The following SMYD3 variants were observed in gnomAD, a reference collection of about 807,000 sequenced individuals.
SMYD3 encodes SET and MYND domain containing 3.
SMYD3 carries 36 observed loss-of-function variants against 57.7 expected under a neutral mutation model. The ratio of observed to expected loss-of-function variants is 0.62; its 90% confidence interval spans 0.48 to 0.82. The LOEUF (loss-of-function observed/expected upper bound fraction) is 0.82, where lower values mean the gene tolerates loss of function less well. SMYD3 is among the 40% of genes least tolerant of loss of function. The probability of loss-of-function intolerance (pLI) is 0.00; values close to 1 mark genes in which losing one functional copy is unlikely to be tolerated. For synonymous variants in SMYD3, 211 were observed against 195.0 expected (o/e 1.08, Z -0.68); for missense variants, 515 against 538.8 (o/e 0.96, Z 0.44).
At position 245,995,825 on chromosome 1, in the gene SMYD3, C is replaced by T. The variant is rs377289407; in HGVS notation, c.532-65888G>A. 3.9e-5 allele frequency among the ~76,000 whole-genome samples: 6 copies of T among 152,272 alleles called. No individual in the cohort carries two copies. The East Asian group carries it at 9.7e-4, about 25-fold the overall frequency. The stretch of plus-strand genomic sequence containing the variant: ...AGTCCTATGTGTGGCAAGGATGCAT[C>T]AGAGAGCCAATAGACATGCACAGGG... On this transcript the variant is annotated intron_variant, in intron 5 of 11. Transcript: ENST00000490107.
chr1:245,836,418 T>G (rs557983210), intron 10 of SMYD3, among the ~76,000 whole-genome samples: 2 of 152,182 alleles, frequency 1.3e-5, no homozygotes, highest in African/African-American at 4.8e-5. Flanking sequence ...GGGCTGGCCA[T>G]AGGGAGCCGT....
intron 1 of SMYD3, among the ~76,000 whole-genome samples, chr1:246,489,223 G>A (rs2068232835): frequency 6.6e-6 from 1 of 152,128 alleles, no homozygotes; most frequent in Admixed American, 6.5e-5. Flanking sequence ...GCGGGCGCCT[G>A]TAGTCCCAGC....
chr1:246,326,664 T>C, intron 5 of SMYD3: 1 of 331,496 alleles, frequency 3.0e-6, no homozygotes, highest in Non-Finnish European at 5.4e-6. Flanking sequence ...CTCAGAATGC[T>C]GAGGCATGAG....
intron 5 of SMYD3, among the ~76,000 whole-genome samples, chr1:246,223,260 A>G (rs2063282992): frequency 6.6e-6 from 1 of 152,156 alleles, no homozygotes; most frequent in Non-Finnish European, 1.5e-5. Flanking sequence ...GTGAGCCAAG[A>G]AGACAGCAGT....
chr1:246,456,299 C>T (rs2067699077), intron 1 of SMYD3, among the ~76,000 whole-genome samples: 1 of 152,176 alleles, frequency 6.6e-6, no homozygotes. Context: ...TAAGACATAC[C>T]AAACTGTGTC....
rs565462178 is a variant in SMYD3, at chr1:246,369,886, C to T, written c.165-14792G>A. Reference sequence around the variant, plus strand: ...ATTTCATCTTATTTCACATTTCTAACACAAAGTATAAAACAAAAAAAAAAA... The same window carrying T: ...ATTTCATCTTATTTCACATTTCTAATACAAAGTATAAAACAAAAAAAAAAA... On this transcript the variant is annotated intron_variant, in intron 1 of 11. Transcript: ENST00000490107. 4.3e-5 allele frequency among the ~76,000 whole-genome samples: 5 copies of T among 117,066 alleles called. No homozygotes were observed. The South Asian group carries it at 1.4e-3, about 32-fold the overall frequency. 76.8% of individuals were successfully genotyped at this position (117,066 alleles called of 152,430 possible). A position where few individuals can be genotyped will look rare whatever the true frequency, so the allele number is the denominator to read the frequency against.
chr1:245,805,195 C>T (rs1012504284), intron 10 of SMYD3, among the ~76,000 whole-genome samples: 2 of 150,190 alleles, frequency 1.3e-5, no homozygotes, highest in Non-Finnish European at 1.5e-5. Context: ...GTAGATTTAA[C>T]CAGTACGTTA....
chr1:245,796,469 C>T (rs1254966746), intron 10 of SMYD3, among the ~76,000 whole-genome samples: 3 of 152,088 alleles, frequency 2.0e-5, no homozygotes, highest in South Asian at 2.1e-4. Context: ...CAGTAAAGAA[C>T]TGTCTATGAT....
At chr1:246,332,763 A>G (rs542477518) in intron 3 of SMYD3, among the ~76,000 whole-genome samples, 256 of 152,330 alleles carry the variant, frequency 1.7e-3, no homozygotes, top group African/African-American at 6.0e-3. Context: ...AGCCAAGCTC[A>G]CGCCACTGCA....
At chr1:246,446,310 T>C (rs994328018) in intron 1 of SMYD3, among the ~76,000 whole-genome samples, 7 of 152,024 alleles carry the variant, frequency 4.6e-5, no homozygotes, top group Middle Eastern at 3.2e-3. Context: ...GATATATCCA[T>C]AAAAAAAGTA....
At chr1:246,312,607 G>A (rs147886243) in intron 5 of SMYD3, among the ~76,000 whole-genome samples, 222 of 152,218 alleles carry the variant, frequency 1.5e-3, no homozygotes, top group African/African-American at 5.2e-3. Flanking sequence ...GGAAGAAAAG[G>A]CAGAGTTTAG....
intron 10 of SMYD3, among the ~76,000 whole-genome samples, chr1:245,844,694 A>G (rs984726356): frequency 1.3e-5 from 2 of 151,738 alleles, no homozygotes; most frequent in African/African-American, 4.8e-5. Flanking sequence ...TATGAGCAGT[A>G]GTAAAGGAGA....
At chr1:246,250,026 A>C (rs1427832444) in intron 5 of SMYD3, among the ~76,000 whole-genome samples, 1 of 152,238 alleles carries the variant, frequency 6.6e-6, no homozygotes, top group Non-Finnish European at 1.5e-5. Context: ...CTGCAGAATA[A>C]ATTCAAACGC....
rs2061954119 is a variant in SMYD3 at position 246,152,374 on chromosome 1, A to G, written c.531+174827T>C. ...GACTTGGAGGAGCTTGTCATTGGCT[A>G]TGTGAAGACCGAGCATGGAAGTACC... is the stretch of plus-strand genomic sequence containing the variant. On this transcript the variant is annotated intron_variant, in intron 5 of 11. Transcript: ENST00000490107. 2.0e-5 allele frequency among the ~76,000 whole-genome samples: 3 copies of G among 152,216 alleles called. No individual in the cohort carries two copies. The South Asian group carries it at 6.2e-4, about 32-fold the overall frequency.
At chr1:245,980,815 T>C (rs1402126779) in intron 5 of SMYD3, among the ~76,000 whole-genome samples, 1 of 152,226 alleles carries the variant, frequency 6.6e-6, no homozygotes, top group East Asian at 1.9e-4. Flanking sequence ...TCTGTCTCAG[T>C]GGATTGGCAT....
At chr1:245,763,939 C>A (rs982816588) in intron 11 of SMYD3, 102 bp downstream of exon 11, 36 of 834,854 alleles carry the variant, frequency 4.3e-5, no homozygotes, top group Non-Finnish European at 6.9e-5. Flanking sequence ...CGTGTGTATG[C>A]GTGCACACAT....
At chr1:245,813,139 C>T (rs914025119) in intron 10 of SMYD3, among the ~76,000 whole-genome samples, 1 of 151,288 alleles carries the variant, frequency 6.6e-6, no homozygotes, top group African/African-American at 2.4e-5. Flanking sequence ...CTCAGCCTCC[C>T]AAGTAGCTGG....
intron 1 of SMYD3, among the ~76,000 whole-genome samples, chr1:246,408,959 C>T (rs1048479868): frequency 1.8e-4 from 27 of 152,270 alleles, no homozygotes; most frequent in African/African-American, 3.6e-4. Flanking sequence ...CGTGAGCCAC[C>T]GCACCCAGCC....
chr1:246,468,011 A>C (rs1254254173), intron 1 of SMYD3, among the ~76,000 whole-genome samples: 1 of 152,030 alleles, frequency 6.6e-6, no homozygotes, highest in African/African-American at 2.4e-5. Context: ...AATTACAAAA[A>C]TTAGGCGGGC....
Sources: allele counts gnomAD v4.1 joint callset (sites outside exome capture counted in the v4.1 genomes callset), GRCh38; gene constraint gnomAD v4.1.1; transcripts MANE v1.5; gene names NCBI Gene and HGNC (gene_info 2026-07-23, HGNC 2026-07-21).